KIAA1217: variants seen among roughly 807,000 people sequenced by gnomAD.
The protein encoded by KIAA1217 is sickle tail protein homolog.
In KIAA1217, 88 loss-of-function variants were observed where a neutral mutation model predicts 163.9. The ratio of observed to expected loss-of-function variants is 0.54; its 90% confidence interval spans 0.45 to 0.64. The LOEUF (loss-of-function observed/expected upper bound fraction) is 0.64, where lower values mean the gene tolerates loss of function less well. Ranked by LOEUF, KIAA1217 falls within the 30% of genes least tolerant of loss-of-function variation. The probability of loss-of-function intolerance (pLI) is 0.00; values close to 1 mark genes in which losing one functional copy is unlikely to be tolerated. For synonymous variants in KIAA1217, 903 were observed against 923.1 expected (o/e 0.98, Z 0.39); for missense variants, 2,372 against 2,475.0 (o/e 0.96, Z 0.88).
intron 1 of KIAA1217, among the ~76,000 whole-genome samples, chr10:23,832,881 A>G (rs1838276585): frequency 6.6e-6 from 1 of 152,112 alleles, no homozygotes; most frequent in East Asian, 1.9e-4. Flanking sequence ...CGAAAGGAAG[A>G]TAAAAGAAGA....
At chr10:24,293,857 G>A (rs1053526451) in intron 2 of KIAA1217, among the ~76,000 whole-genome samples, 6 of 152,190 alleles carry the variant, frequency 3.9e-5, no homozygotes, top group African/African-American at 1.2e-4. Context: ...TGTTTTGCCA[G>A]CTTGCTGGTG....
At chr10:23,998,027 G>T (rs1589212495) in intron 1 of KIAA1217, among the ~76,000 whole-genome samples, 1 of 151,096 alleles carries the variant, frequency 6.6e-6, no homozygotes, top group Non-Finnish European at 1.5e-5. Flanking sequence ...CCTGTTCTCT[G>T]AATCCCATTT....
intron 1 of KIAA1217, among the ~76,000 whole-genome samples, chr10:23,848,547 C>T (rs186546151): frequency 6.6e-6 from 1 of 152,128 alleles, no homozygotes; most frequent in African/African-American, 2.4e-5. Context: ...ACTCAGGAGT[C>T]TCCTGCAACA....
At chr10:24,176,766 C>A (rs370882213) in intron 2 of KIAA1217, among the ~76,000 whole-genome samples, 1 of 152,214 alleles carries the variant, frequency 6.6e-6, no homozygotes, top group Non-Finnish European at 1.5e-5. Flanking sequence ...GACTAGGCAC[C>A]GCGGAGCGGG....
At chr10:24,437,638 G>A (rs753551028) in intron 4 of KIAA1217, among the ~76,000 whole-genome samples, 8 of 152,158 alleles carry the variant, frequency 5.3e-5, no homozygotes, top group African/African-American at 1.9e-4. Flanking sequence ...TGTGCTCTTC[G>A]ATAATTTTAA....
At chr10:24,533,016 T>G in intron 15 of KIAA1217, 54 bp from the exon 16 acceptor site, 5 of 1,524,692 alleles carry the variant, frequency 3.3e-6, no homozygotes, top group Non-Finnish European at 4.4e-6. Flanking sequence ...TGTCCCTTTT[T>G]TGCTAGCACC....
chr10:23,953,963 T>G (rs532534028), intron 1 of KIAA1217, among the ~76,000 whole-genome samples: 22 of 152,326 alleles, frequency 1.4e-4, no homozygotes, highest in African/African-American at 4.8e-4. Flanking sequence ...TTCTAGAGTA[T>G]CAAGAGTTTC....
At chr10:24,343,166 A>G (rs2047316474) in intron 2 of KIAA1217, among the ~76,000 whole-genome samples, 1 of 152,218 alleles carries the variant, frequency 6.6e-6, no homozygotes, top group Admixed American at 6.5e-5. Context: ...TCCACAGGAT[A>G]ACTTTCTAAA....
rs1402038205 is a variant in KIAA1217, at chr10:24,546,329, C to T, written c.*5C>T. On this transcript the variant is annotated 3_prime_UTR_variant, in exon 21 of 21. Coordinates refer to ENST00000376454, the MANE Select transcript of KIAA1217 (RefSeq NM_019590.5). ...ACAGCAAAAGAAACCTCTTAAAGGT[C>T]AAATCCTATTAGGCACAAGTCGGAG... 2 of 1,580,326 alleles carry T rather than the reference C, an allele frequency of 1.3e-6. No individual in the cohort carries two copies. The highest frequency in any genetic ancestry group is 1.4e-5 in the African/African-American group (1 of 73,352).
chr10:23,818,332 T>TATATA (rs1564448539), intron 1 of KIAA1217, among the ~76,000 whole-genome samples: 3 of 123,278 alleles, frequency 2.4e-5, no homozygotes, highest in African/African-American at 1.0e-4. Flanking sequence ...TATATATATT[T>TATATA]TATATATATA....
chr10:24,491,282 T>C (rs1282506661), intron 6 of KIAA1217, among the ~76,000 whole-genome samples: 2 of 144,372 alleles, frequency 1.4e-5, no homozygotes, highest in Non-Finnish European at 3.0e-5. Flanking sequence ...TCTTTTTTTT[T>C]TTCCTTTTTT....
At chr10:24,460,530 G>A (rs944100735) in intron 5 of KIAA1217, among the ~76,000 whole-genome samples, 2 of 151,892 alleles carry the variant, frequency 1.3e-5, no homozygotes, top group African/African-American at 2.4e-5. Context: ...ACTGTCTTTC[G>A]GTGTTACCCT....
intron 2 of KIAA1217, among the ~76,000 whole-genome samples, chr10:24,076,528 A>G (rs7087950): frequency 0.16 from 24,040 of 152,142 alleles, 3,884 homozygotes; most frequent in African/African-American, 0.42. Flanking sequence ...ATGATTCCAG[A>G]AATCACATCC....
intron 1 of KIAA1217, among the ~76,000 whole-genome samples, chr10:23,893,146 T>C (rs964015158): frequency 3.3e-5 from 5 of 152,098 alleles, no homozygotes; most frequent in African/African-American, 1.2e-4. Context: ...TGGTAAGCTA[T>C]TGATTATTGT....
At chr10:23,973,610 T>G (rs1845412825) in intron 1 of KIAA1217, among the ~76,000 whole-genome samples, 2 of 152,204 alleles carry the variant, frequency 1.3e-5, no homozygotes, top group African/African-American at 2.4e-5. Context: ...TTTGCCCACA[T>G]CGAGGAAGAT....
rs532329843 is a variant in KIAA1217, at chr10:24,198,592, A to G, written c.-170-21034A>G. On this transcript the variant is annotated intron_variant, in intron 2 of 18. Coordinates refer to the KIAA1217 transcript ENST00000376462. ...CCACTGCTCTTATCTCGAAAAAAAA[A>G]AAAAAAAAGCATTTACTCAGGATCT... 7.2e-5 allele frequency among the ~76,000 whole-genome samples: 11 copies of G among 152,068 alleles called. No individual in the cohort carries two copies. In the East Asian group the frequency reaches 1.9e-3, roughly 27 times the overall value.
chr10:23,757,599 C>A (rs1278282680), intron 1 of KIAA1217, among the ~76,000 whole-genome samples: 3 of 152,104 alleles, frequency 2.0e-5, no homozygotes, highest in Admixed American at 6.5e-5. Flanking sequence ...TTCACTGCAA[C>A]CTCTGCCTCC....
At position 24,260,096 on chromosome 10, in the gene KIAA1217, C is replaced by T. The variant is rs139366210; in HGVS notation, c.354+40187C>T. Among the ~76,000 whole-genome samples the T allele has an allele frequency of 2.8e-4, 42 of 152,172 alleles. No individual in the cohort carries two copies. In the South Asian group the frequency reaches 3.7e-3, roughly 14 times the overall value. On this transcript the variant is annotated intron_variant, in intron 2 of 20. Coordinates refer to ENST00000376454, the MANE Select transcript of KIAA1217 (RefSeq NM_019590.5). ...AAAGAAGCATAAAGGTTTAAGTTTT[C>T]GTTGGGAGGGCCTAAATTAGGAAGG...
intron 2 of KIAA1217, among the ~76,000 whole-genome samples, chr10:24,037,247 C>A (rs1249701216): frequency 2.0e-5 from 3 of 152,096 alleles, no homozygotes; most frequent in Non-Finnish European, 4.4e-5. Context: ...AGGAGGATCA[C>A]CTGAGGTCAG....
Sources: allele counts gnomAD v4.1 joint callset (sites outside exome capture counted in the v4.1 genomes callset), GRCh38; gene constraint gnomAD v4.1.1; transcripts MANE v1.5; gene names NCBI Gene and HGNC (gene_info 2026-07-23, HGNC 2026-07-21).